Variants in AFG1L observed in about 807,000 individuals in gnomAD.
AFG1L encodes the protein AFG1 like ATPase, also known as AFG1-like ATPase.
A neutral mutation model predicts 62.2 loss-of-function variants in AFG1L; 53 were observed. The observed-to-expected ratio is 0.85, with a 90% CI of 0.68 to 1.07. The LOEUF is 1.07. Among genes scored for constraint, AFG1L ranks in the 50% least tolerant of loss-of-function variants. The pLI is 0.00. For synonymous variants in AFG1L, 228 were observed against 210.3 expected, an observed-to-expected ratio of 1.08 and a Z score of -0.73; for missense variants, 555 against 590.5, an observed-to-expected ratio of 0.94 and a Z score of 0.62.
intron 8 of AFG1L, among the ~76,000 whole-genome samples, chr6:108,473,053 C>T (rs749336087): frequency 7.9e-5 from 12 of 152,112 alleles, no homozygotes; most frequent in Non-Finnish European, 1.8e-4. Flanking sequence ...CTGACCACCT[C>T]GGCTTCCCAA....
rs1389004706 is a variant in AFG1L at position 108,355,656 on chromosome 6, A to G, written c.418A>G (p.Thr140Ala). Residue 140 changes from threonine to alanine, a missense_variant and splice_region_variant, in exon 4 of 13, where the codon ACA (threonine) becomes GCA (alanine). Thr to Ala is a moderately conservative substitution (Grantham distance 58). Transcript: ENST00000368977. ...RGLYVYGDVG[T>A]GKTMVMDMFY... ...TTAAAATTTTTTTTATTTTTAAGGTACAGGAAAAACAATGGTGATGGACAT... is the reference window on the plus strand; with the variant it reads ...TTAAAATTTTTTTTATTTTTAAGGTGCAGGAAAAACAATGGTGATGGACAT... 4 of 1,583,224 alleles carry G rather than the reference A, an allele frequency of 2.5e-6. No individual in the cohort carries two copies. The East Asian group carries it at 9.0e-5, about 36-fold the overall frequency.
intron 7 of AFG1L, among the ~76,000 whole-genome samples, chr6:108,441,132 T>C (rs1034226747): frequency 6.6e-6 from 1 of 152,224 alleles, no homozygotes; most frequent in African/African-American, 2.4e-5. Context: ...GTTATAGTTT[T>C]AAAAGATTTT....
Position 108,330,188 on chromosome 6 carries a change from T to TA in AFG1L, c.363+6140_363+6141insA, listed in dbSNP as rs566948775. Among the ~76,000 whole-genome samples, 479 of 149,300 alleles carry TA rather than the reference T, an allele frequency of 3.2e-3. 2 individuals carry two copies. Among genetic ancestry groups the TA allele is most frequent in the East Asian group, 7.0e-3 (34 of 4,890 alleles). On this transcript the variant is annotated intron_variant, in intron 2 of 12. Coordinates refer to ENST00000368977, the MANE Select transcript of AFG1L (RefSeq NM_145315.5). ...AGAAATAAATTCCTTTTTTATTTTT[T>TA]TTTTTTTTTTGCGACTGAGTCTCAC...
intron 3 of AFG1L, 21 bp from the exon 4 acceptor site, chr6:108,355,633 A>G: frequency 7.3e-7 from 1 of 1,379,200 alleles, no homozygotes; most frequent in Non-Finnish European, 1.0e-6. Flanking sequence ...TAGTATTCTT[A>G]AAATTTTTTT....
At chr6:108,397,023 CT>C (rs963217281) in intron 6 of AFG1L, among the ~76,000 whole-genome samples, 12 of 151,748 alleles carry the variant, frequency 7.9e-5, no homozygotes, top group African/African-American at 2.9e-4. Context: ...TTCATTCATT[CT>C]TTTTTGTTTT....
chr6:108,477,005 A>G (rs1582640863), intron 9 of AFG1L, 70 bp downstream of exon 9: 5 of 1,350,322 alleles, frequency 3.7e-6, no homozygotes, highest in Non-Finnish European at 5.3e-6. Flanking sequence ...CTGACCAATT[A>G]ATAAGTTCCA....
At chr6:108,332,883 C>T (rs759315797) in intron 2 of AFG1L, among the ~76,000 whole-genome samples, 5 of 152,148 alleles carry the variant, frequency 3.3e-5, no homozygotes, top group East Asian at 3.9e-4. Flanking sequence ...CTGGGGTTAC[C>T]GGCTGAGCCA....
chr6:108,475,999 A>G (rs931875312), intron 8 of AFG1L, among the ~76,000 whole-genome samples: 5 of 152,214 alleles, frequency 3.3e-5, no homozygotes, highest in African/African-American at 1.2e-4. Context: ...TGGCAGGTCA[A>G]CCTGTAAAAG....
At chr6:108,457,681 T>G (rs555697817) in intron 8 of AFG1L, among the ~76,000 whole-genome samples, 1 of 152,270 alleles carries the variant, frequency 6.6e-6, no homozygotes, top group East Asian at 1.9e-4. Flanking sequence ...ATTTACTATT[T>G]CTTGTATTCT....
intron 7 of AFG1L, among the ~76,000 whole-genome samples, chr6:108,410,401 T>C (rs1042244985): frequency 2.0e-5 from 3 of 152,018 alleles, no homozygotes; most frequent in African/African-American, 4.8e-5. Context: ...AGAAAAATCA[T>C]TGGGAAAAGA....
At chr6:108,375,185 T>C (rs1362519720) in intron 6 of AFG1L, among the ~76,000 whole-genome samples, 1 of 152,204 alleles carries the variant, frequency 6.6e-6, no homozygotes, top group African/African-American at 2.4e-5. Context: ...TTTGGTATCC[T>C]GAAACTTTCC....
intron 10 of AFG1L, among the ~76,000 whole-genome samples, chr6:108,479,337 T>C (rs963195466): frequency 1.3e-5 from 2 of 151,984 alleles, no homozygotes; most frequent in African/African-American, 2.4e-5. Context: ...TATTATTTGT[T>C]GATTTTTTTT....
intron 6 of AFG1L, among the ~76,000 whole-genome samples, chr6:108,388,975 G>T (rs2114584161): frequency 6.6e-6 from 1 of 151,846 alleles, no homozygotes; most frequent in South Asian, 2.1e-4. Context: ...TTGACAGTGG[G>T]GTGTTAAAGT....
chr6:108,482,713 C>G (rs1421801777), intron 10 of AFG1L, among the ~76,000 whole-genome samples: 1 of 152,048 alleles, frequency 6.6e-6, no homozygotes, highest in Non-Finnish European at 1.5e-5. Flanking sequence ...TAAAATGTCT[C>G]CCAACTGGGA....
chr6:108,344,727 T>C, intron 2 of AFG1L: 1 of 471,094 alleles, frequency 2.1e-6, no homozygotes, highest in South Asian at 1.5e-5. Context: ...TGTTTTACCC[T>C]CCCTTTCTGA....
chr6:108,465,028 G>C (rs1440647872), intron 8 of AFG1L, among the ~76,000 whole-genome samples: 4 of 152,196 alleles, frequency 2.6e-5, no homozygotes, highest in Non-Finnish European at 4.4e-5. Context: ...CTCTCCTTAG[G>C]AGAAGGAAGA....
chr6:108,415,121 C>T (rs1782302750), intron 7 of AFG1L, among the ~76,000 whole-genome samples: 1 of 152,146 alleles, frequency 6.6e-6, no homozygotes, highest in African/African-American at 2.4e-5. Context: ...TTCCTCTACA[C>T]CAATAACAGA....
chr6:108,359,213 G>T (rs1336195991), intron 5 of AFG1L: 1 of 152,104 alleles, frequency 6.6e-6, no homozygotes, highest in Non-Finnish European at 1.5e-5. Context: ...TGATAGTGAA[G>T]TCCTACCAAA....
intron 10 of AFG1L, among the ~76,000 whole-genome samples, chr6:108,484,808 A>G (rs965913869): frequency 4.6e-5 from 7 of 152,222 alleles, no homozygotes; most frequent in Non-Finnish European, 7.3e-5. Flanking sequence ...TATTTTATAC[A>G]TAAAAGAAAA....
Sources: allele counts gnomAD v4.1 joint callset (sites outside exome capture counted in the v4.1 genomes callset), GRCh38; gene constraint gnomAD v4.1.1; transcripts MANE v1.5; gene names NCBI Gene and HGNC (gene_info 2026-07-23, HGNC 2026-07-21).